CNKSR1: variants seen among roughly 807,000 people sequenced by gnomAD.
CNKSR1 encodes connector enhancer of kinase suppressor of Ras 1.
Under a neutral mutation model 95.6 loss-of-function variants are expected in CNKSR1, and 88 were observed. That is an observed-to-expected ratio of 0.92 (90% CI 0.78 to 1.10). The LOEUF (loss-of-function observed/expected upper bound fraction) is 1.10, where lower values mean the gene tolerates loss of function less well. Ranked by LOEUF, CNKSR1 falls within the 50% of genes least tolerant of loss-of-function variation. The probability of loss-of-function intolerance (pLI) is 0.00; values close to 1 mark genes in which losing one functional copy is unlikely to be tolerated. For synonymous variants in CNKSR1, 355 were observed against 369.7 expected (o/e 0.96, Z 0.46); for missense variants, 836 against 912.0 (o/e 0.92, Z 1.07).
At position 26,184,234 on chromosome 1, in the gene CNKSR1, T is replaced by C; in HGVS notation, c.947T>C (p.Phe316Ser). 4 of 1,613,354 alleles carry C rather than the reference T, an allele frequency of 2.5e-6. No individual in the cohort carries two copies. The highest frequency in any genetic ancestry group is 3.4e-6 in the Non-Finnish European group (4 of 1,179,854). ...LSPRAPSEDVFAFDLSSNPSP... is the reference protein window; with the variant it reads ...LSPRAPSEDVSAFDLSSNPSP... ...CCCAGGGCCCCATCTGAAGACGTCT[T>C]TGCCTTTGACCTGTCTTCAAACCCC... Residue 316 changes from phenylalanine to serine, a missense_variant, in exon 11 of 21, where the codon TTT becomes TCT. Coordinates refer to ENST00000361530, the MANE Select transcript of CNKSR1 (RefSeq NM_006314.3).
chr1:26,181,501 C>T (rs1364304006), intron 3 of CNKSR1: 2 of 262,104 alleles, frequency 7.6e-6, no homozygotes, highest in East Asian at 9.4e-5. Flanking sequence ...GAAGCCTTCC[C>T]TGTTGTACAC....
At chr1:26,183,941 C>A in intron 9 of CNKSR1, 111 bp downstream of exon 9, 1 of 532,130 alleles carries the variant, frequency 1.9e-6, no homozygotes, top group Non-Finnish European at 3.4e-6. Flanking sequence ...GCACCTTCCC[C>A]TGCTGCGCCC....
intron 1 of CNKSR1, 112 bp downstream of exon 1, chr1:26,177,711 C>A: frequency 8.1e-7 from 1 of 1,239,472 alleles, no homozygotes; most frequent in Non-Finnish European, 1.1e-6. Flanking sequence ...TGCGCTGGTT[C>A]ACACCTGTAA....
In CNKSR1 at chr1:26,183,657, G is replaced by C. The variant is rs1280774444; in HGVS notation, c.754-72G>C. On this transcript the variant is annotated intron_variant, in intron 8 of 20. Transcript: ENST00000361530. ...GAGGCTGAGAGAGAGCTCCCAGCAC[G>C]AGGGTGAGAGTTGGTGGTTGCTTTA... 7.5e-6 allele frequency: 9 copies of C among 1,198,532 alleles called. No individual in the cohort carries two copies. In the Admixed American group the frequency reaches 1.5e-4, roughly 20 times the overall value. The allele number at this position is 1,198,532 out of a possible 1,614,324, so 74.2% of individuals were successfully genotyped here. A position where few individuals can be genotyped will look rare whatever the true frequency, so the allele number is the denominator to read the frequency against.
rs1292788304 is a variant in CNKSR1, at chr1:26,189,501, C to G, written c.2095C>G (p.Leu699Val). The G allele has an allele frequency of 6.2e-7, 1 of 1,606,226 alleles. No individual in the cohort carries two copies. The highest frequency in any genetic ancestry group is 1.1e-5 in the South Asian group (1 of 90,900). Residue 699 changes from leucine to valine, a missense_variant, in exon 21 of 21, where the codon CTC becomes GTC. Leu to Val is a conservative substitution (Grantham distance 32, BLOSUM62 1). Coordinates refer to ENST00000361530, the MANE Select transcript of CNKSR1 (RefSeq NM_006314.3). Reference sequence around the variant, plus strand: ...CTCTGACCCTGAAGAGCACTCCCATCTCTGCCCCCTGACCTCAGAGAGCAG... The same window carrying G: ...CTCTGACCCTGAAGAGCACTCCCATGTCTGCCCCCTGACCTCAGAGAGCAG... ...LPSDPEEHSH[L>V]CPLTSESSLR...
intron 1 of CNKSR1, among the ~76,000 whole-genome samples, chr1:26,178,080 AGATGACCCTGG>A: frequency 6.6e-6 from 1 of 152,322 alleles, no homozygotes; most frequent in Admixed American, 6.5e-5. Flanking sequence ...GAGACAGATG[AGATGACCCTGG>A]GGGGCCCAAG....
intron 16 of CNKSR1, among the ~76,000 whole-genome samples, chr1:26,187,998 C>T (rs747534472): frequency 5.3e-5 from 8 of 151,564 alleles, no homozygotes; most frequent in Non-Finnish European, 8.8e-5. Context: ...TGGCCTCAAG[C>T]AATCCTCCTG....
At position 26,183,898 on chromosome 1, in the gene CNKSR1, C is replaced by T. The variant is rs770497889; in HGVS notation, c.855+68C>T. ...CCTCCACAGGTACCTGCCCCCACCA[C>T]CCCCACACCTGCCTTCAGACCCCCC... On this transcript the variant is annotated intron_variant, in intron 9 of 20. Coordinates refer to ENST00000361530, the MANE Select transcript of CNKSR1 (RefSeq NM_006314.3). 100 of 530,154 alleles carry T rather than the reference C, an allele frequency of 1.9e-4. No homozygotes were observed. In the African/African-American group the frequency reaches 2.5e-3, roughly 13 times the overall value. 32.8% of individuals were successfully genotyped at this position (530,154 alleles called of 1,614,324 possible).
chr1:26,180,334 G>GGT, intron 1 of CNKSR1, 119 bp from the exon 2 acceptor site: 1 of 1,237,846 alleles, frequency 8.1e-7, no homozygotes, highest in Non-Finnish European at 1.2e-6. Flanking sequence ...GAACAGCCTG[G>GGT]GTGTCAGAGT....
Position 26,187,375 on chromosome 1 carries a change from G to A in CNKSR1, c.1383-36G>A, listed in dbSNP as rs771072524. 1.6e-5 allele frequency: 26 copies of A among 1,612,166 alleles called. 1 individual carries two copies. Among genetic ancestry groups the A allele is most frequent in the South Asian group, 1.1e-4 (10 of 91,040 alleles). ...GCCTCTCTGGGCTGTGGGTGGGCAC[G>A]CCCAGGCTGAGTGATGCTCCTCCAC... On this transcript the variant is annotated intron_variant, in intron 15 of 20. Transcript: ENST00000361530.
chr1:26,184,487 C>T lies in CNKSR1; in HGVS notation c.1087C>T (p.Leu363Phe). Reference sequence around the variant, plus strand: ...AGCAGGGGTAGCAGGGACTCCAGGGCTCCCTGAATCCCCTGACAAGGTAAG... The same window carrying T: ...AGCAGGGGTAGCAGGGACTCCAGGGTTCCCTGAATCCCCTGACAAGGTAAG... ...LPAGVAGTPG[L>F]PESPDKSPVG... Residue 363 changes from leucine (L) to phenylalanine (F), a missense_variant, in exon 12 of 21, where the codon CTC becomes TTC. Physicochemically the swap from Leu to Phe is conservative, Grantham distance 22. Transcript: ENST00000361530. 2.5e-6 allele frequency: 4 copies of T among 1,612,568 alleles called. No homozygotes were observed. Among genetic ancestry groups the T allele is most frequent in the Non-Finnish European group, 3.4e-6 (4 of 1,179,378 alleles).
intron 1 of CNKSR1, among the ~76,000 whole-genome samples, chr1:26,179,425 G>A (rs1457769779): frequency 6.6e-6 from 1 of 152,190 alleles, no homozygotes; most frequent in Non-Finnish European, 1.5e-5. Context: ...TTGCAAGGAC[G>A]CTGAGGTAAA....
rs2088808081 is a variant in CNKSR1 at position 26,188,778 on chromosome 1, G to A, written c.1697G>A (p.Ser566Asn). ...CTGCTCTTCCCTCCCACAGACAGCA[G>A]TGAAGAGGCACTGGAAGGAATGGTA... ...RTSFGSLTDS[S>N]EEALEGMVRG... Residue 566 changes from serine (S) to asparagine (N), a missense_variant, in exon 20 of 21, where the codon AGT becomes AAT. Coordinates refer to ENST00000361530, the MANE Select transcript of CNKSR1 (RefSeq NM_006314.3). The A allele has an allele frequency of 6.2e-7, 1 of 1,610,102 alleles. No individual in the cohort carries two copies. Among genetic ancestry groups the A allele is most frequent in the Non-Finnish European group, 8.5e-7 (1 of 1,177,184 alleles).
At chr1:26,183,617 G>A in intron 8 of CNKSR1, 112 bp from the exon 9 acceptor site, 1 of 1,034,874 alleles carries the variant, frequency 9.7e-7, no homozygotes, top group Non-Finnish European at 1.5e-6. Flanking sequence ...CTGCATGAGT[G>A]GGAGGCAGAA....
At chr1:26,187,038 A>G in intron 14 of CNKSR1, 130 bp from the exon 15 acceptor site, 1 of 739,122 alleles carries the variant, frequency 1.4e-6, no homozygotes, top group East Asian at 2.6e-5. Flanking sequence ...AAACAGAGAG[A>G]CTTGTTAGAG....
intron 14 of CNKSR1, among the ~76,000 whole-genome samples, chr1:26,185,627 C>T (rs568961516): frequency 8.0e-4 from 122 of 152,040 alleles, no homozygotes; most frequent in Non-Finnish European, 1.3e-3. Context: ...CTCCTGACCT[C>T]GTGATCCACC....
At position 26,180,526 on chromosome 1, in the gene CNKSR1, C is replaced by T; in HGVS notation, c.126C>T (p.Cys42=). The change falls in exon 2 of 21, where the codon TGC becomes TGT. Residue 42 remains cysteine (C), a synonymous_variant. Transcript: ENST00000361530. ...CTGGCAAGAACCTGCTCCAGCTCTG[C>T]CCCCAAAGCCTCGAGGCTCTGGCTG... ...QLPGKNLLQL[C]PQSLEALAVR... 2 of 1,614,220 alleles carry T rather than the reference C, an allele frequency of 1.2e-6. No individual in the cohort carries two copies. Among genetic ancestry groups the T allele is most frequent in the Admixed American group, 1.7e-5 (1 of 60,022 alleles).
At chr1:26,181,977 TAG>T (rs1557620517) in intron 4 of CNKSR1, 36 bp downstream of exon 4, 1 of 1,581,160 alleles carries the variant, frequency 6.3e-7, no homozygotes, top group Non-Finnish European at 8.7e-7. Flanking sequence ...GCCCATGCCC[TAG>T]AGACCAAGCT....
chr1:26,181,092 C>T, intron 3 of CNKSR1, 196 bp downstream of exon 3: 3 of 640,384 alleles, frequency 4.7e-6, no homozygotes, highest in Non-Finnish European at 8.4e-6. Context: ...CCAGCCTGGC[C>T]AACATGGTGA....
Sources: gnomAD v4.1 joint callset for allele counts (sites outside exome capture counted in the v4.1 genomes callset) on GRCh38, gnomAD v4.1.1 for gene constraint, MANE v1.5 for transcripts, NCBI Gene and HGNC (gene_info 2026-07-23, HGNC 2026-07-21) for gene names.